The following TAOK1 variants were observed in gnomAD, a reference collection of about 807,000 sequenced individuals.
TAOK1 encodes TAO kinase 1.
TAOK1 carries 21 observed loss-of-function variants against 138.3 expected under a neutral mutation model. The observed-to-expected ratio is 0.15, with a 90% CI of 0.11 to 0.22. The LOEUF is 0.22. TAOK1 is among the 10% of genes least tolerant of loss of function. The pLI, the probability that TAOK1 is intolerant of heterozygous loss-of-function variation, is 1.00. For missense variants in TAOK1, 651 were observed against 1,227.7 expected, an observed-to-expected ratio of 0.53 and a Z score of 7.02; for synonymous variants, 361 against 398.4, an observed-to-expected ratio of 0.91 and a Z score of 1.12.
chr17:29,405,919 T>C (rs189906969), intron 1 of TAOK1, among the ~76,000 whole-genome samples: 1 of 152,318 alleles, frequency 6.6e-6, no homozygotes, highest in Admixed American at 6.5e-5. Context: ...GGTTCAGTAA[T>C]GACACATCTG....
At chr17:29,499,161 G>C (rs1045533997) in intron 12 of TAOK1, among the ~76,000 whole-genome samples, 1 of 151,778 alleles carries the variant, frequency 6.6e-6, no homozygotes, top group Non-Finnish European at 1.5e-5. Flanking sequence ...GTTGCCTTTG[G>C]GGAGTGAGAA....
At chr17:29,492,101 T>C (rs1374001898) in intron 10 of TAOK1, among the ~76,000 whole-genome samples, 1 of 152,124 alleles carries the variant, frequency 6.6e-6, no homozygotes, top group African/African-American at 2.4e-5. Context: ...CCCAGGCTGA[T>C]ATCGAACTCC....
At chr17:29,421,712 C>T (rs1457705689) in intron 1 of TAOK1, among the ~76,000 whole-genome samples, 2 of 151,986 alleles carry the variant, frequency 1.3e-5, no homozygotes, top group African/African-American at 4.8e-5. Flanking sequence ...GATCCTCTTG[C>T]ATCAGCCTCC....
intron 1 of TAOK1, among the ~76,000 whole-genome samples, chr17:29,435,955 C>A (rs1184437338): frequency 1.3e-5 from 2 of 152,166 alleles, no homozygotes; most frequent in Non-Finnish European, 1.5e-5. Flanking sequence ...ATGGTGAAAC[C>A]CCATCTGTAC....
At chr17:29,492,104 C>T (rs1420530931) in intron 10 of TAOK1, among the ~76,000 whole-genome samples, 4 of 152,040 alleles carry the variant, frequency 2.6e-5, no homozygotes, top group African/African-American at 4.8e-5. Flanking sequence ...AGGCTGATAT[C>T]GAACTCCTGG....
chr17:29,420,601 T>TTC (rs2153021722), intron 1 of TAOK1, among the ~76,000 whole-genome samples: 1 of 151,492 alleles, frequency 6.6e-6, no homozygotes, highest in South Asian at 2.1e-4. Context: ...TTTTTTTTTT[T>TTC]TGAGACGAAG....
chr17:29,503,395 C>T (rs1403442936), intron 13 of TAOK1, among the ~76,000 whole-genome samples: 1 of 84,994 alleles, frequency 1.2e-5, no homozygotes, highest in African/African-American at 4.8e-5. Context: ...GACTCTGTCT[C>T]AAAAAAAAAA....
intron 17 of TAOK1, among the ~76,000 whole-genome samples, chr17:29,529,433 C>A (rs1424483556): frequency 6.6e-6 from 1 of 151,962 alleles, no homozygotes. Flanking sequence ...CTAACAACAA[C>A]AACAAAAATA....
intron 1 of TAOK1, among the ~76,000 whole-genome samples, chr17:29,439,888 A>T (rs1008804168): frequency 6.3e-5 from 6 of 95,710 alleles, no homozygotes; most frequent in African/African-American, 2.1e-4. Flanking sequence ...AAAAAAAAAA[A>T]TTTTTTTTTA....
At chr17:29,477,985 G>A (rs1039299405) in intron 5 of TAOK1, among the ~76,000 whole-genome samples, 1 of 152,024 alleles carries the variant, frequency 6.6e-6, no homozygotes, top group Admixed American at 6.6e-5. Flanking sequence ...AGATAAGTGA[G>A]AATAAAGAGA....
chr17:29,432,434 A>G (rs1047287479), intron 1 of TAOK1, among the ~76,000 whole-genome samples: 6 of 152,212 alleles, frequency 3.9e-5, no homozygotes, highest in Non-Finnish European at 7.3e-5. Context: ...GGCCATCACA[A>G]ACATGTCGCA....
At chr17:29,438,005 T>G (rs551057576) in intron 1 of TAOK1, among the ~76,000 whole-genome samples, 327 of 152,296 alleles carry the variant, frequency 2.1e-3, no homozygotes, top group African/African-American at 7.6e-3. Flanking sequence ...GTGCTGGGAT[T>G]ACAGGCGTGA....
At chr17:29,452,180 C>T (rs2030256411) in intron 2 of TAOK1, among the ~76,000 whole-genome samples, 1 of 152,036 alleles carries the variant, frequency 6.6e-6, no homozygotes, top group East Asian at 1.9e-4. Context: ...TGTACCACTG[C>T]ATTTCAGCCT....
intron 1 of TAOK1, among the ~76,000 whole-genome samples, chr17:29,436,964 A>C (rs766707045): frequency 5.9e-5 from 9 of 152,220 alleles, no homozygotes; most frequent in Non-Finnish European, 1.2e-4. Flanking sequence ...GGTTTAAAAC[A>C]CTTGATATTA....
rs780281548 is a variant in TAOK1, at chr17:29,502,677, A to G, written c.1292A>G (p.His431Arg). Residue 431 changes from histidine to arginine, a missense_variant, in exon 13 of 20, where the codon CAC (histidine) becomes CGC (arginine). Coordinates refer to ENST00000261716, the MANE Select transcript of TAOK1 (RefSeq NM_020791.4). ...CCCCAAGTATCTCGTCACAAATCAC[A>G]CTATCGTAATCGAGAACACTTTGCT... ...SPPQVSRHKS[H>R]YRNREHFATI... 55 of 1,613,812 alleles carry G rather than the reference A, an allele frequency of 3.4e-5. No homozygotes were observed. The highest frequency in any genetic ancestry group is 4.5e-5 in the Non-Finnish European group (53 of 1,180,000).
chr17:29,480,591 A>T (rs1428366993), intron 7 of TAOK1, 110 bp downstream of exon 7: 4 of 881,904 alleles, frequency 4.5e-6, no homozygotes, highest in Non-Finnish European at 6.8e-6. Context: ...AAACTCGGCC[A>T]GGTGCAATGG....
intron 11 of TAOK1, among the ~76,000 whole-genome samples, chr17:29,497,611 A>G (rs2031438403): frequency 6.6e-6 from 1 of 152,034 alleles, no homozygotes; most frequent in South Asian, 2.1e-4. Context: ...TTGAAACAAT[A>G]TAATATGTAA....
rs574964018 is a variant in TAOK1, at chr17:29,433,534, A to G, written c.-94-17921A>G. ...TTCAGCTAAAGAACTTGTCCGTCCC[A>G]TGGCTATGAAAATTCAGGCTTGCAG... On this transcript the variant is annotated intron_variant, in intron 1 of 19. Transcript: ENST00000261716. Among the ~76,000 whole-genome samples the G allele has an allele frequency of 1.4e-3, 217 of 152,174 alleles. 5 individuals are homozygous for G. In the South Asian group the frequency reaches 0.043, roughly 30 times the overall value.
chr17:29,502,498 A>G (rs970896423), intron 12 of TAOK1, 91 bp from the exon 13 acceptor site: 1 of 1,372,394 alleles, frequency 7.3e-7, no homozygotes, highest in Admixed American at 2.5e-5. Flanking sequence ...TTTGAGATTG[A>G]TTGATCAAGT....
Sources: allele counts gnomAD v4.1 joint callset (sites outside exome capture counted in the v4.1 genomes callset), GRCh38; gene constraint gnomAD v4.1.1; transcripts MANE v1.5; gene names NCBI Gene and HGNC (gene_info 2026-07-23, HGNC 2026-07-21).